NLN: variants seen among roughly 807,000 people sequenced by gnomAD.
NLN encodes the protein neurolysin, also known as neurolysin, mitochondrial.
Under a neutral mutation model 79.9 loss-of-function variants are expected in NLN, and 64 were observed. The observed-to-expected ratio is 0.80, with a 90% confidence interval of 0.65 to 0.99. The LOEUF (loss-of-function observed/expected upper bound fraction) is 0.99. NLN is among the 50% of genes least tolerant of loss of function. NLN has a pLI of 0.00. For missense variants in NLN, 835 were observed against 858.7 expected, an observed-to-expected ratio of 0.97 and a Z score of 0.34; for synonymous variants, 267 against 296.6, an observed-to-expected ratio of 0.90 and a Z score of 1.02.
intron 9 of NLN, among the ~76,000 whole-genome samples, chr5:65,801,732 GC>G (rs1295384993): frequency 2.0e-5 from 3 of 152,156 alleles, no homozygotes; most frequent in African/African-American, 7.2e-5. Context: ...AATAGAATAA[GC>G]GCTCTCTTCT....
intron 4 of NLN, chr5:65,779,885 C>T (rs181939388): frequency 3.4e-4 from 78 of 232,792 alleles, no homozygotes; most frequent in Admixed American, 9.0e-4. Context: ...GAAAGTGAAA[C>T]TTACTCAATT....
intron 1 of NLN, among the ~76,000 whole-genome samples, chr5:65,741,641 G>T (rs1384033022): frequency 6.6e-6 from 1 of 152,136 alleles, no homozygotes; most frequent in African/African-American, 2.4e-5. Flanking sequence ...CACCAATTAA[G>T]TGTGCCAAAA....
At chr5:65,783,484 T>C (rs561901791) in intron 6 of NLN, among the ~76,000 whole-genome samples, 14 of 152,188 alleles carry the variant, frequency 9.2e-5, no homozygotes, top group African/African-American at 3.4e-4. Flanking sequence ...TCACATCCCA[T>C]TGTCCCATTG....
chr5:65,780,057 C>T (rs1759764003), intron 4 of NLN, 122 bp from the exon 5 acceptor site: 4 of 577,458 alleles, frequency 6.9e-6, no homozygotes, highest in East Asian at 6.8e-5. Flanking sequence ...GACTCTTGAC[C>T]TCAAATGATC....
intron 3 of NLN, among the ~76,000 whole-genome samples, chr5:65,772,551 A>G (rs1759590782): frequency 6.6e-6 from 1 of 152,198 alleles, no homozygotes; most frequent in African/African-American, 2.4e-5. Context: ...ACCATGTAGT[A>G]AGATAGCAAC....
At chr5:65,740,822 T>C (rs935626908) in intron 1 of NLN, 11 of 147,152 alleles carry the variant, frequency 7.5e-5, no homozygotes, top group South Asian at 2.1e-4. Context: ...GTTATATATA[T>C]ATATTTTATA....
At chr5:65,761,288 T>TTTA (rs746015680) in intron 2 of NLN, among the ~76,000 whole-genome samples, 261 of 152,080 alleles carry the variant, frequency 1.7e-3, no homozygotes, top group Non-Finnish European at 3.1e-3. Flanking sequence ...ATTTTATTTT[T>TTTA]TTATTATTAT....
intron 12 of NLN, among the ~76,000 whole-genome samples, chr5:65,819,860 A>G (rs1024171792): frequency 4.6e-5 from 7 of 152,188 alleles, no homozygotes; most frequent in African/African-American, 1.7e-4. Flanking sequence ...TTCCCTAAGA[A>G]AAGCAAGATC....
Position 65,762,946 on chromosome 5 carries a change from T to C in NLN, c.302-14T>C, listed in dbSNP as rs1759369565. On this transcript the variant is annotated splice_polypyrimidine_tract_variant and intron_variant, in intron 2 of 12. Transcript: ENST00000380985. ...GTCCTGTTGTGTGGTGATAGTTTTT[T>C]TCTCCATCTGCAGTGGAAAGGACCA... is the stretch of plus-strand genomic sequence containing the variant. The C allele has an allele frequency of 6.2e-7, 1 of 1,611,934 alleles. No homozygotes were observed. The highest frequency in any genetic ancestry group is 1.3e-5 in the African/African-American group (1 of 74,818).
intron 1 of NLN, among the ~76,000 whole-genome samples, chr5:65,743,774 C>G (rs1462649915): frequency 6.6e-6 from 1 of 152,148 alleles, no homozygotes; most frequent in Non-Finnish European, 1.5e-5. Flanking sequence ...ATTTCCAACC[C>G]AATTAAACCA....
intron 2 of NLN, among the ~76,000 whole-genome samples, chr5:65,762,576 C>A (rs1484408646): frequency 6.6e-6 from 1 of 151,888 alleles, no homozygotes; most frequent in African/African-American, 2.4e-5. Context: ...GTCCCAGATA[C>A]TCAGTGGTGT....
At chr5:65,761,760 T>C (rs185596513) in intron 2 of NLN, among the ~76,000 whole-genome samples, 7 of 152,326 alleles carry the variant, frequency 4.6e-5, no homozygotes, top group African/African-American at 2.4e-5. Context: ...TTCAAAAATA[T>C]ACCTTATGGA....
chr5:65,801,332 T>C (rs536217448), intron 9 of NLN, among the ~76,000 whole-genome samples: 5 of 152,314 alleles, frequency 3.3e-5, no homozygotes, highest in Non-Finnish European at 7.3e-5. Flanking sequence ...ATGGTATTTG[T>C]TGGCTGGTCA....
At chr5:65,739,485 G>A (rs991875060) in intron 1 of NLN, among the ~76,000 whole-genome samples, 12 of 152,182 alleles carry the variant, frequency 7.9e-5, no homozygotes, top group South Asian at 4.2e-4. Flanking sequence ...ATGAGAGTGT[G>A]GATATCTCTT....
In NLN at chr5:65,758,698, A is replaced by G; in HGVS notation, c.173A>G (p.Lys58Arg). Residue 58 changes from lysine to arginine, a missense_variant, in exon 2 of 13, where the codon AAA (lysine) becomes AGA (arginine). By Grantham distance (26) the Lys-to-Arg change is conservative. Coordinates refer to ENST00000380985, the MANE Select transcript of NLN (RefSeq NM_020726.5). ...TGGGATCTTTCACCAGAGCAAATTA[A>G]AACAAGAACTGAGGAGCTCATTGTG... ...LRWDLSPEQI[K>R]TRTEELIVQT... 1 of 1,613,920 alleles carries G rather than the reference A, an allele frequency of 6.2e-7. No homozygotes were observed. The highest frequency in any genetic ancestry group is 8.5e-7 in the Non-Finnish European group (1 of 1,179,898).
intron 1 of NLN, among the ~76,000 whole-genome samples, chr5:65,753,809 C>T (rs967707552): frequency 6.6e-6 from 1 of 152,114 alleles, no homozygotes; most frequent in African/African-American, 2.4e-5. Context: ...GTAACTCAGT[C>T]ATCTCAGGGC....
intron 1 of NLN, among the ~76,000 whole-genome samples, chr5:65,741,814 T>C (rs1477463648): frequency 6.6e-6 from 1 of 152,224 alleles, no homozygotes; most frequent in East Asian, 1.9e-4. Flanking sequence ...TGGCTTTACA[T>C]AAGCCAGGGA....
At chr5:65,732,108 A>G (rs932223814) in intron 1 of NLN, among the ~76,000 whole-genome samples, 2 of 152,138 alleles carry the variant, frequency 1.3e-5, no homozygotes, top group African/African-American at 4.8e-5. Flanking sequence ...CCCTTTATCT[A>G]TCATGAGGGC....
intron 2 of NLN, among the ~76,000 whole-genome samples, chr5:65,760,694 G>T (rs1349952875): frequency 2.6e-5 from 4 of 152,216 alleles, no homozygotes; most frequent in African/African-American, 9.6e-5. Flanking sequence ...TACATTTTGT[G>T]TGGAGATGGG....
Sources: allele counts gnomAD v4.1 joint callset (sites outside exome capture counted in the v4.1 genomes callset), GRCh38; gene constraint gnomAD v4.1.1; transcripts MANE v1.5; gene names NCBI Gene and HGNC (gene_info 2026-07-23, HGNC 2026-07-21).